The following KPNA6 variants were observed in gnomAD, a reference collection of about 807,000 sequenced individuals.
The protein encoded by KPNA6 is karyopherin subunit alpha 6.
Under a neutral mutation model 72.0 loss-of-function variants are expected in KPNA6, and 9 were observed. The observed-to-expected ratio is 0.13, with a 90% CI of 0.08 to 0.22. KPNA6 has a LOEUF of 0.22. KPNA6 is among the 10% of genes least tolerant of loss of function. The pLI, the probability that KPNA6 is intolerant of heterozygous loss-of-function variation, is 1.00. For missense variants in KPNA6, 374 were observed against 655.7 expected, an observed-to-expected ratio of 0.57 and a Z score of 4.69; for synonymous variants, 219 against 242.1, an observed-to-expected ratio of 0.90 and a Z score of 0.89.
In KPNA6 at chr1:32,128,422, TATATAC is replaced by T. The variant is rs1233705093; in HGVS notation, c.4+20290_4+20295del. Among the ~76,000 whole-genome samples the T allele has an allele frequency of 1.2e-3, 138 of 118,408 alleles. 1 individual carries two copies. Among genetic ancestry groups the T allele is most frequent in the African/African-American group, 4.9e-3 (133 of 27,088 alleles). 77.7% of individuals were successfully genotyped at this position (118,408 alleles called of 152,430 possible). A position where few individuals can be genotyped will look rare whatever the true frequency, so the allele number is the denominator to read the frequency against. ...ATATATATATATATATATATATATA[TATATAC>T]ACACACACACACATATATATATACA... On this transcript the variant is annotated intron_variant, in intron 1 of 13. Transcript: ENST00000373625.
chr1:32,163,401 G>C, intron 10 of KPNA6, 88 bp downstream of exon 10: 1 of 937,498 alleles, frequency 1.1e-6, no homozygotes, highest in South Asian at 1.4e-5. Flanking sequence ...TCCTGCAAAG[G>C]GCTGTGGTCC....
chr1:32,152,914 G>C (rs887311496), intron 1 of KPNA6, among the ~76,000 whole-genome samples: 15 of 150,794 alleles, frequency 9.9e-5, no homozygotes, highest in African/African-American at 3.2e-4. Context: ...TGCTTGGGAG[G>C]CTGAGGCAGG....
chr1:32,110,746 A>C (rs1641232522), intron 1 of KPNA6, among the ~76,000 whole-genome samples: 1 of 152,082 alleles, frequency 6.6e-6, no homozygotes, highest in Non-Finnish European at 1.5e-5. Flanking sequence ...AAAATACAAA[A>C]ATTAGCTGGG....
chr1:32,165,971 C>G, intron 10 of KPNA6, 134 bp from the exon 11 acceptor site: 5 of 959,244 alleles, frequency 5.2e-6, no homozygotes, highest in Non-Finnish European at 7.3e-6. Flanking sequence ...GCACTCCAGC[C>G]TGGGCGTCAG....
At chr1:32,170,197 A>G in intron 13 of KPNA6, 137 bp downstream of exon 13, 2 of 740,498 alleles carry the variant, frequency 2.7e-6, no homozygotes, top group Non-Finnish European at 4.3e-6. Flanking sequence ...TGTCTTCAGA[A>G]CAGTTAAGAG....
At position 32,108,117 on chromosome 1, in the gene KPNA6, C is replaced by A. The variant is rs369816810; in HGVS notation, c.-14C>A. The stretch of plus-strand genomic sequence containing the variant: ...CGTTGCCTCCGCCGCCAAGAGTGAG[C>A]GAGCGGACCCGCGATGGGTGAGTGA... On this transcript the variant is annotated 5_prime_UTR_variant, in exon 1 of 14. Transcript: ENST00000373625. 1 of 1,613,816 alleles carries A rather than the reference C, an allele frequency of 6.2e-7. No homozygotes were observed. The highest frequency in any genetic ancestry group is 1.7e-5 in the Admixed American group (1 of 60,004).
intron 1 of KPNA6, among the ~76,000 whole-genome samples, chr1:32,126,297 C>A (rs1372537054): frequency 7.2e-6 from 1 of 138,070 alleles, no homozygotes; most frequent in African/African-American, 2.6e-5. Flanking sequence ...CACCCCCCCA[C>A]CCCCCATTTG....
chr1:32,162,243 G>A (rs1642252131), intron 8 of KPNA6, 118 bp from the exon 9 acceptor site: 1 of 1,056,982 alleles, frequency 9.5e-7, no homozygotes, highest in Non-Finnish European at 1.4e-6. Flanking sequence ...GCGATCCCTA[G>A]GGTCTGGAAT....
intron 1 of KPNA6, among the ~76,000 whole-genome samples, chr1:32,129,228 T>G (rs1641593644): frequency 6.7e-6 from 1 of 149,102 alleles, no homozygotes; most frequent in South Asian, 2.1e-4. Flanking sequence ...CAGTGTGAGA[T>G]GTCAGCTTAC....
chr1:32,112,051 A>G (rs1641251172), intron 1 of KPNA6, among the ~76,000 whole-genome samples: 1 of 152,206 alleles, frequency 6.6e-6, no homozygotes, highest in Non-Finnish European at 1.5e-5. Flanking sequence ...AGCTCCCTAG[A>G]CAGTGATTGA....
At position 32,154,573 on chromosome 1, in the gene KPNA6, T is replaced by C. The variant is rs766646660; in HGVS notation, c.5-15T>C. ...CCTCTCAAGAGTTTTTGGCAGTGTG[T>C]ATCTTTTCTTCTAGAGACCATGGCG... On this transcript the variant is annotated splice_polypyrimidine_tract_variant and intron_variant, in intron 1 of 13. Coordinates refer to ENST00000373625, the MANE Select transcript of KPNA6 (RefSeq NM_012316.5). 6.2e-7 allele frequency: 1 copy of C among 1,611,434 alleles called. No individual in the cohort carries two copies. The highest frequency in any genetic ancestry group is 1.1e-5 in the South Asian group (1 of 90,758).
In KPNA6 at chr1:32,128,387, TTATATATATATATATATATATATATATA is replaced by T. The variant is rs67312157; in HGVS notation, c.4+20266_4+20293del. Among the ~76,000 whole-genome samples, 50 of 72,170 alleles carry T rather than the reference TTATATATATATATATATATATATATATA, an allele frequency of 6.9e-4. No individual in the cohort carries two copies. The East Asian group carries it at 9.4e-3, about 14-fold the overall frequency. 47.3% of individuals were successfully genotyped at this position (72,170 alleles called of 152,430 possible). A position where few individuals can be genotyped will look rare whatever the true frequency, so the allele number is the denominator to read the frequency against. On this transcript the variant is annotated intron_variant, in intron 1 of 13. Transcript: ENST00000373625. ...TATATTTTTTATATTATATATGTAT[TTATATATATATATATATATATATATATA>T]TATATATATATACACACACACACAC...
chr1:32,126,639 C>T (rs1178765692), intron 1 of KPNA6, among the ~76,000 whole-genome samples: 9 of 152,142 alleles, frequency 5.9e-5, no homozygotes, highest in Non-Finnish European at 1.3e-4. Flanking sequence ...CCCGCCTCAG[C>T]CTCCCAAAGT....
chr1:32,126,981 C>G (rs1641548397), intron 1 of KPNA6, among the ~76,000 whole-genome samples: 1 of 152,076 alleles, frequency 6.6e-6, no homozygotes, highest in South Asian at 2.1e-4. Context: ...GGAATTTAGG[C>G]CTTTCACTAC....
chr1:32,135,931 G>A (rs1198278735), intron 1 of KPNA6, among the ~76,000 whole-genome samples: 2 of 151,954 alleles, frequency 1.3e-5, no homozygotes, highest in African/African-American at 4.8e-5. Context: ...ATTACCAAAG[G>A]AAATAAAAAT....
At chr1:32,169,613 A>ATTT (rs77371621) in intron 12 of KPNA6, among the ~76,000 whole-genome samples, 3 of 129,696 alleles carry the variant, frequency 2.3e-5, no homozygotes, top group South Asian at 2.6e-4. Context: ...CACCTGGCCA[A>ATTT]TTTTTTTTTT....
At chr1:32,148,317 T>A (rs1269201966) in intron 1 of KPNA6, among the ~76,000 whole-genome samples, 2 of 152,058 alleles carry the variant, frequency 1.3e-5, no homozygotes, top group South Asian at 2.1e-4. Context: ...TTTTTGTTTT[T>A]TTTTAGTATA....
intron 1 of KPNA6, among the ~76,000 whole-genome samples, chr1:32,114,165 C>T (rs893080996): frequency 2.0e-5 from 3 of 151,962 alleles, no homozygotes; most frequent in Non-Finnish European, 2.9e-5. Context: ...ATTAGGCCGG[C>T]GCAATGGCTC....
rs1466545461 is a variant in KPNA6, at chr1:32,165,072, GA to G, written c.991-1031del. ...CACCATCATGCCTAGCTAATTTTTT[GA>G]ATTTGTTTTTTTTTGGAGAGACAGG... On this transcript the variant is annotated intron_variant, in intron 10 of 13. Coordinates refer to ENST00000373625, the MANE Select transcript of KPNA6 (RefSeq NM_012316.5). 5.3e-5 allele frequency among the ~76,000 whole-genome samples: 8 copies of G among 151,580 alleles called. No homozygotes were observed. In the East Asian group the frequency reaches 1.6e-3, roughly 29 times the overall value.
Sources: gnomAD v4.1 joint callset for allele counts (sites outside exome capture counted in the v4.1 genomes callset) on GRCh38, gnomAD v4.1.1 for gene constraint, MANE v1.5 for transcripts, NCBI Gene and HGNC (gene_info 2026-07-23, HGNC 2026-07-21) for gene names.